Variants in TXNL4A observed in about 807,000 individuals in gnomAD.
TXNL4A encodes thioredoxin-like protein 4A.
TXNL4A carries 17 observed loss-of-function variants against 14.6 expected under a neutral mutation model. The observed-to-expected ratio is 1.16, with a 90% CI of 0.80 to 1.74. The LOEUF is 1.74. Among genes scored for constraint, TXNL4A ranks in the 40% most tolerant of loss-of-function variants. TXNL4A has a pLI of 0.00. For synonymous variants in TXNL4A, 83 were observed against 70.6 expected (o/e 1.18, Z -0.88); for missense variants, 74 against 195.2 (o/e 0.38, Z 3.70).
chr18:79,983,336 G>A (rs571686856), intron 1 of TXNL4A, among the ~76,000 whole-genome samples: 1 of 152,194 alleles, frequency 6.6e-6, no homozygotes, highest in South Asian at 2.1e-4. Context: ...GCCTTGAATT[G>A]TAAGTATCTT....
intron 1 of TXNL4A, among the ~76,000 whole-genome samples, chr18:79,980,848 C>T (rs1056012002): frequency 7.2e-5 from 11 of 152,226 alleles, no homozygotes; most frequent in Non-Finnish European, 1.0e-4. Context: ...GCATGCGACT[C>T]CCCGTCCATG....
chr18:80,024,609 G>A (rs564984027), intron 1 of TXNL4A, among the ~76,000 whole-genome samples: 37 of 152,244 alleles, frequency 2.4e-4, no homozygotes, highest in Non-Finnish European at 4.6e-4. Flanking sequence ...AGCCTTCCGG[G>A]GCATTCTCAG....
intron 1 of TXNL4A, among the ~76,000 whole-genome samples, chr18:80,012,521 T>C (rs1299682325): frequency 6.6e-6 from 1 of 152,224 alleles, no homozygotes; most frequent in Non-Finnish European, 1.5e-5. Flanking sequence ...AAAGCCCTGT[T>C]CCCTGAAGGG....
intron 2 of TXNL4A, 132 bp from the exon 3 acceptor site, chr18:79,973,988 G>A: frequency 1.6e-6 from 2 of 1,231,956 alleles, no homozygotes; most frequent in Admixed American, 4.8e-5. Flanking sequence ...AAAATCGAGA[G>A]TGTATGCCAT....
intron 1 of TXNL4A, among the ~76,000 whole-genome samples, chr18:80,019,973 C>A (rs1221496327): frequency 2.6e-5 from 4 of 152,198 alleles, no homozygotes; most frequent in South Asian, 2.1e-4. Flanking sequence ...GTGTCCCCAC[C>A]CAAATCTCAT....
chr18:80,032,324 T>A (rs1257719930), intron 1 of TXNL4A, among the ~76,000 whole-genome samples: 1 of 152,072 alleles, frequency 6.6e-6, no homozygotes, highest in Non-Finnish European at 1.5e-5. Flanking sequence ...TTAAAATGCT[T>A]TTCTCCAAAA....
In TXNL4A at chr18:79,996,103, C is replaced by CAAAA. The variant is rs60443481; in HGVS notation, c.-60-18406_-60-18403dup. Reference sequence around the variant, plus strand: ...TGGGCGACAGAGCAAGACTCTGACTCAAAAAAAAAAAAAAAAAAAAAAAAC... The same window carrying CAAAA: ...TGGGCGACAGAGCAAGACTCTGACTCAAAAAAAAAAAAAAAAAAAAAAAAAAAAC... On this transcript the variant is annotated intron_variant, in intron 1 of 2. Transcript: ENST00000585474. Among the ~76,000 whole-genome samples the CAAAA allele has an allele frequency of 6.7e-3, 410 of 61,170 alleles. 14 individuals carry two copies. The highest frequency in any genetic ancestry group is 0.014 in the East Asian group (23 of 1,618). 40.1% of individuals were successfully genotyped at this position (61,170 alleles called of 152,430 possible).
At position 79,973,653 on chromosome 18, in the gene TXNL4A, C is replaced by T. The variant is rs1568359789; in HGVS notation, c.*32G>A. The T allele has an allele frequency of 6.3e-7, 1 of 1,578,132 alleles. No homozygotes were observed. ...AAACGTTTCCATACAAAAAGGGCTC[C>T]ACGACATTTATCCGCGCAGACTGAG... On this transcript the variant is annotated 3_prime_UTR_variant, in exon 3 of 3. Transcript: ENST00000269601.
chr18:79,984,835 T>G (rs1348623140), intron 1 of TXNL4A, among the ~76,000 whole-genome samples: 1 of 152,190 alleles, frequency 6.6e-6, no homozygotes, highest in Non-Finnish European at 1.5e-5. Flanking sequence ...AAACGTCCCA[T>G]TCAGTCTTCT....
intron 1 of TXNL4A, among the ~76,000 whole-genome samples, chr18:80,025,061 T>A (rs1256446136): frequency 6.6e-6 from 1 of 152,168 alleles, no homozygotes; most frequent in Non-Finnish European, 1.5e-5. Context: ...CCACTATAAC[T>A]AAAGCAGATT....
In TXNL4A at chr18:79,982,411, C is replaced by A. The variant is rs1368587108; in HGVS notation, c.154-4710G>T. 2.0e-5 allele frequency among the ~76,000 whole-genome samples: 3 copies of A among 152,182 alleles called. No individual in the cohort carries two copies. The highest frequency in any genetic ancestry group is 4.4e-5 in the Non-Finnish European group (3 of 68,036). Reference sequence around the variant, plus strand: ...CCTCCAGGTAGCGACTGGCCTGGAGCTGTACAATGGAGTCTGGGCTGGAGA... The same window carrying A: ...CCTCCAGGTAGCGACTGGCCTGGAGATGTACAATGGAGTCTGGGCTGGAGA... On this transcript the variant is annotated intron_variant, in intron 1 of 2. Coordinates refer to ENST00000269601, the MANE Select transcript of TXNL4A (RefSeq NM_006701.5). The surrounding 1 kb of genome is among the most constrained non-coding windows in gnomAD (Gnocchi z 4.0).
intron 1 of TXNL4A, among the ~76,000 whole-genome samples, chr18:80,021,099 T>C (rs1288906720): frequency 6.6e-6 from 1 of 152,228 alleles, no homozygotes; most frequent in South Asian, 2.1e-4. Flanking sequence ...TTTTTGATAA[T>C]GCTTGCCCAA....
intron 1 of TXNL4A, among the ~76,000 whole-genome samples, chr18:79,984,151 T>C (rs1368476054): frequency 6.6e-6 from 1 of 152,212 alleles, no homozygotes; most frequent in Non-Finnish European, 1.5e-5. Flanking sequence ...TGTTTGTTTC[T>C]ACAAGATTCC....
At chr18:79,996,535 C>T (rs1441442152) in intron 1 of TXNL4A, among the ~76,000 whole-genome samples, 3 of 152,156 alleles carry the variant, frequency 2.0e-5, no homozygotes, top group South Asian at 4.1e-4. Flanking sequence ...CCTGCAGCCC[C>T]GTCAATCTTT....
intron 1 of TXNL4A, among the ~76,000 whole-genome samples, chr18:79,994,654 A>G (rs1186325794): frequency 6.6e-6 from 1 of 151,840 alleles, no homozygotes; most frequent in Non-Finnish European, 1.5e-5. Context: ...CCCAGGGGAA[A>G]GATCACCTCA....
At chr18:79,999,832 G>C (rs143188181) in intron 1 of TXNL4A, among the ~76,000 whole-genome samples, 1 of 152,128 alleles carries the variant, frequency 6.6e-6, no homozygotes, top group African/African-American at 2.4e-5. Flanking sequence ...ATTGAATCAC[G>C]GGGGCAGTTT....
At chr18:79,997,079 C>T (rs1449017109) in intron 1 of TXNL4A, among the ~76,000 whole-genome samples, 1 of 152,210 alleles carries the variant, frequency 6.6e-6, no homozygotes, top group East Asian at 1.9e-4. Flanking sequence ...GAATAAAGAG[C>T]AGAAAACAGT....
At chr18:79,996,103 CAAAAAAAAAAA>C (rs60443481) in intron 1 of TXNL4A, among the ~76,000 whole-genome samples, 2 of 61,316 alleles carry the variant, frequency 3.3e-5, no homozygotes, top group African/African-American at 7.3e-5. Context: ...GACTCTGACT[CAAAAAAAAAAA>C]AAAAAAAAAA....
intron 1 of TXNL4A, among the ~76,000 whole-genome samples, chr18:79,998,090 G>A (rs559004665): frequency 2.0e-5 from 3 of 152,162 alleles, no homozygotes; most frequent in African/African-American, 4.8e-5. Flanking sequence ...TCAGGAGATC[G>A]AGACCATTCT....
Sources: gnomAD v4.1 joint callset for allele counts (sites outside exome capture counted in the v4.1 genomes callset) on GRCh38, gnomAD v4.1.1 for gene constraint, Gnocchi (gnomAD v3.1) non-coding constraint, MANE v1.5 for transcripts, NCBI Gene and HGNC (gene_info 2026-07-23, HGNC 2026-07-21) for gene names.